Variants in USP10 observed in about 807,000 individuals in gnomAD.
USP10 encodes the protein ubiquitin carboxyl-terminal hydrolase 10.
Under a neutral mutation model 84.5 loss-of-function variants are expected in USP10, and 22 were observed. The ratio of observed to expected loss-of-function variants is 0.26; its 90% confidence interval spans 0.19 to 0.37. USP10 has a LOEUF of 0.37. Ranked by LOEUF, USP10 falls within the 10% of genes least tolerant of loss-of-function variation. The pLI is 1.00. For synonymous variants in USP10, 454 were observed against 387.6 expected, an observed-to-expected ratio of 1.17 and a Z score of -2.01; for missense variants, 1,019 against 998.9, an observed-to-expected ratio of 1.02 and a Z score of -0.27.
At chr16:84,744,233 T>G (rs1055479917) in intron 3 of USP10, among the ~76,000 whole-genome samples, 1 of 152,198 alleles carries the variant, frequency 6.6e-6, no homozygotes, top group East Asian at 1.9e-4. Flanking sequence ...CCTAAGTTAG[T>G]TGTCATGATC....
At chr16:84,736,009 GGT>G (rs1223982188) in intron 2 of USP10, among the ~76,000 whole-genome samples, 1 of 151,270 alleles carries the variant, frequency 6.6e-6, no homozygotes, top group Non-Finnish European at 1.5e-5. Flanking sequence ...TGGACCTGTG[GGT>G]GTGTGAGTGG....
At chr16:84,728,709 T>C (rs1344852600) in intron 1 of USP10, among the ~76,000 whole-genome samples, 1 of 152,212 alleles carries the variant, frequency 6.6e-6, no homozygotes, top group Non-Finnish European at 1.5e-5. Flanking sequence ...TTTGGCCATT[T>C]TCCCTTTTTG....
At chr16:84,749,492 T>C (rs953845153) in intron 4 of USP10, among the ~76,000 whole-genome samples, 1 of 151,878 alleles carries the variant, frequency 6.6e-6, no homozygotes, top group African/African-American at 2.4e-5. Flanking sequence ...GGCATGATAG[T>C]GTGGAGATTG....
At chr16:84,774,139 A>G (rs1914731876) in intron 12 of USP10, among the ~76,000 whole-genome samples, 1 of 151,660 alleles carries the variant, frequency 6.6e-6, no homozygotes, top group South Asian at 2.1e-4. Flanking sequence ...AATCCTAGCT[A>G]CTTGGGAGGC....
rs771180123 is a variant in USP10 at position 84,745,039 on chromosome 16, G to T, written c.558G>T (p.Pro186=). The T allele has an allele frequency of 1.2e-6, 2 of 1,613,676 alleles. No homozygotes were observed. The highest frequency in any genetic ancestry group is 1.3e-5 in the African/African-American group (1 of 74,916). ...LVNGHANSAV[P]NSVSAEDAEF... Reference sequence around the variant, plus strand: ...ATGGCCATGCCAATTCAGCAGTCCCGAACAGTGTCAGTGCAGAGGATGCAG... The same window carrying T: ...ATGGCCATGCCAATTCAGCAGTCCCTAACAGTGTCAGTGCAGAGGATGCAG... The change falls in exon 4 of 14, where the codon CCG becomes CCT. Residue 186 remains proline (P), a synonymous_variant. Transcript: ENST00000219473.
intron 1 of USP10, among the ~76,000 whole-genome samples, chr16:84,712,088 G>A (rs1906382840): frequency 6.6e-6 from 1 of 152,120 alleles, no homozygotes; most frequent in African/African-American, 2.4e-5. Context: ...GCTTTTGGGT[G>A]GAAACATAGA....
intron 9 of USP10, among the ~76,000 whole-genome samples, 175 bp downstream of exon 9, chr16:84,763,263 AT>A (rs1913420496): frequency 6.6e-6 from 1 of 152,210 alleles, no homozygotes; most frequent in South Asian, 2.1e-4. Context: ...ATTACAGTTT[AT>A]CCCGAACCTC....
chr16:84,747,982 C>G (rs182254406), intron 4 of USP10, among the ~76,000 whole-genome samples: 4 of 151,496 alleles, frequency 2.6e-5, no homozygotes, highest in Non-Finnish European at 5.9e-5. Flanking sequence ...GAAACCCCGT[C>G]TCTACTAAAA....
At chr16:84,722,286 A>T (rs947111333) in intron 1 of USP10, among the ~76,000 whole-genome samples, 2 of 152,180 alleles carry the variant, frequency 1.3e-5, no homozygotes, top group African/African-American at 2.4e-5. Context: ...CCTTTTCAGT[A>T]CTGGGTAGTA....
chr16:84,768,072 G>A, intron 10 of USP10, 121 bp from the exon 11 acceptor site: 2 of 1,188,444 alleles, frequency 1.7e-6, no homozygotes, highest in Non-Finnish European at 2.3e-6. Context: ...GCTTTTCTCT[G>A]TGGTCTTTTG....
chr16:84,715,372 C>A (rs773077470), intron 1 of USP10, among the ~76,000 whole-genome samples: 2 of 152,168 alleles, frequency 1.3e-5, no homozygotes, highest in African/African-American at 2.4e-5. Context: ...CAACTGGGCA[C>A]GTTACAAGAT....
Position 84,779,285 on chromosome 16 carries a change from T to G in USP10, c.*203T>G. On this transcript the variant is annotated 3_prime_UTR_variant, in exon 14 of 14. Coordinates refer to ENST00000219473, the MANE Select transcript of USP10 (RefSeq NM_005153.3). ...TAACTTCCAAATCAAAATCATTTGG[T>G]TGAAACAGACTGTTGCTTGATTTTA... The G allele has an allele frequency of 5.8e-6, 3 of 519,216 alleles. No individual in the cohort carries two copies. Among genetic ancestry groups the G allele is most frequent in the Non-Finnish European group, 6.7e-6 (2 of 298,954 alleles). The allele number at this position is 519,216 out of a possible 1,614,324, so 32.2% of individuals were successfully genotyped here.
intron 4 of USP10, among the ~76,000 whole-genome samples, chr16:84,751,579 A>G (rs1911941530): frequency 6.6e-6 from 1 of 152,216 alleles, no homozygotes; most frequent in Admixed American, 6.5e-5. Context: ...TTTCCACTTC[A>G]GAAACATAAG....
At chr16:84,758,997 A>C (rs1912897788) in intron 5 of USP10, among the ~76,000 whole-genome samples, 190 bp downstream of exon 5, 1 of 152,132 alleles carries the variant, frequency 6.6e-6, no homozygotes, top group African/African-American at 2.4e-5. Context: ...TCTCCCTCTA[A>C]AAGAGAGGAT....
rs1912701298 is a variant in USP10, at chr16:84,757,402, G to GGGTGTGT, written c.1193-1313_1193-1312insGTGTGTG. Among the ~76,000 whole-genome samples the GGGTGTGT allele has an allele frequency of 4.8e-5, 4 of 82,858 alleles. No individual in the cohort carries two copies. In the East Asian group the frequency reaches 1.1e-3, roughly 22 times the overall value. The allele number at this position is 82,858 out of a possible 152,430, so 54.4% of individuals were successfully genotyped here. ...GGAAGGAGGGAATGAGAGGGGTGGG[G>GGGTGTGT]GTGTGTGTGTGTGTGTGTGTGTGTG... On this transcript the variant is annotated intron_variant, in intron 4 of 13. Coordinates refer to ENST00000219473, the MANE Select transcript of USP10 (RefSeq NM_005153.3).
chr16:84,774,348 T>C (rs1458301271), intron 12 of USP10, among the ~76,000 whole-genome samples: 1 of 152,194 alleles, frequency 6.6e-6, no homozygotes, highest in African/African-American at 2.4e-5. Flanking sequence ...GACGGACTCT[T>C]GTGTCGGTGT....
At position 84,712,997 on chromosome 16, in the gene USP10, C is replaced by T. The variant is rs146343104; in HGVS notation, c.21+12886C>T. Reference sequence around the variant, plus strand: ...AGTGGGCATGCCAGTGATCTATCTTCGCAGGCCTGCTTACAGCAAATGCAG... The same window carrying T: ...AGTGGGCATGCCAGTGATCTATCTTTGCAGGCCTGCTTACAGCAAATGCAG... On this transcript the variant is annotated intron_variant, in intron 1 of 13. Transcript: ENST00000219473. 2.7e-4 allele frequency among the ~76,000 whole-genome samples: 41 copies of T among 152,298 alleles called. No homozygotes were observed. The East Asian group carries it at 7.7e-3, about 29-fold the overall frequency.
intron 4 of USP10, among the ~76,000 whole-genome samples, chr16:84,749,250 A>T (rs1382805503): frequency 6.6e-6 from 1 of 152,224 alleles, no homozygotes; most frequent in African/African-American, 2.4e-5. Flanking sequence ...ATCCACTACC[A>T]CAAATTCCCT....
chr16:84,778,044 T>A (rs908640958), intron 13 of USP10, among the ~76,000 whole-genome samples: 12 of 152,018 alleles, frequency 7.9e-5, no homozygotes, highest in African/African-American at 2.7e-4. Flanking sequence ...GTTTTAGGCC[T>A]TTGACTAAGG....
Sources: gnomAD v4.1 joint callset for allele counts (sites outside exome capture counted in the v4.1 genomes callset) on GRCh38, gnomAD v4.1.1 for gene constraint, MANE v1.5 for transcripts, NCBI Gene and HGNC (gene_info 2026-07-23, HGNC 2026-07-21) for gene names.